DPP6: variants seen among roughly 807,000 people sequenced by gnomAD.
DPP6 encodes dipeptidyl peptidase like 6.
A neutral mutation model predicts 122.6 loss-of-function variants in DPP6; 69 were observed. The ratio of observed to expected loss-of-function variants is 0.56; its 90% CI spans 0.46 to 0.69. DPP6 has a LOEUF of 0.69. DPP6 is among the 30% of genes least tolerant of loss of function. The pLI is 0.00. For synonymous variants in DPP6, 418 were observed against 433.1 expected, an observed-to-expected ratio of 0.97 and a Z score of 0.43; for missense variants, 928 against 1,116.9, an observed-to-expected ratio of 0.83 and a Z score of 2.41.
chr7:154,655,212 T>C (rs1479657724), intron 6 of DPP6, among the ~76,000 whole-genome samples: 1 of 152,150 alleles, frequency 6.6e-6, no homozygotes, highest in Non-Finnish European at 1.5e-5. Context: ...GTTTGCCCCC[T>C]CACTCCCAAA....
intron 16 of DPP6, among the ~76,000 whole-genome samples, chr7:154,843,693 G>A (rs1801734243): frequency 6.6e-6 from 1 of 152,220 alleles, no homozygotes; most frequent in African/African-American, 2.4e-5. Flanking sequence ...TGAAGCTGCT[G>A]TTGCTCTTAC....
chr7:153,758,838 G>T, the DPP6 span, among the ~76,000 whole-genome samples: 34 of 151,074 alleles, frequency 2.3e-4, no homozygotes, highest in African/African-American at 8.4e-4. Context: ...AAACATTTAT[G>T]TACAAGTTTT....
In DPP6 at chr7:154,606,983, A is replaced by G. The variant is rs188903376; in HGVS notation, c.628-30838A>G. On this transcript the variant is annotated intron_variant, in intron 5 of 25. Coordinates refer to ENST00000377770, the MANE Select transcript of DPP6 (RefSeq NM_130797.4). The stretch of plus-strand genomic sequence containing the variant: ...TAAGATTAACTGTGGTGCATACTGT[A>G]CTGTTGTAATAATTTTGTAGCCACC... Among the ~76,000 whole-genome samples the G allele has an allele frequency of 2.5e-5, 3 of 121,392 alleles. 1 individual carries two copies. The highest frequency in any genetic ancestry group is 5.6e-5 in the Non-Finnish European group (3 of 53,900). 79.6% of individuals were successfully genotyped at this position (121,392 alleles called of 152,430 possible). A position where few individuals can be genotyped will look rare whatever the true frequency, so the allele number is the denominator to read the frequency against.
chr7:154,808,732 T>C (rs1210061989), intron 16 of DPP6, among the ~76,000 whole-genome samples: 8 of 152,036 alleles, frequency 5.3e-5, no homozygotes. Context: ...GGCATAGGGA[T>C]TGGGAAAATG....
At chr7:153,753,331 C>A in the DPP6 span, among the ~76,000 whole-genome samples, 3 of 152,172 alleles carry the variant, frequency 2.0e-5, no homozygotes, top group African/African-American at 4.8e-5. Context: ...CTTGGGATGA[C>A]AATTGTATAT....
At chr7:153,976,085 C>A (rs1340905955) in intron 1 of DPP6, among the ~76,000 whole-genome samples, 1 of 152,094 alleles carries the variant, frequency 6.6e-6, no homozygotes, top group East Asian at 1.9e-4. Context: ...TTAGGCTGTG[C>A]TTGGACTTGG....
chr7:154,829,267 CAG>C (rs937061279), intron 16 of DPP6, among the ~76,000 whole-genome samples: 7 of 151,828 alleles, frequency 4.6e-5, no homozygotes, highest in African/African-American at 1.7e-4. Context: ...CCCATAGTCC[CAG>C]CTGCTTGAGA....
chr7:153,934,691 G>A (rs1201028059), intron 1 of DPP6, among the ~76,000 whole-genome samples: 1 of 152,196 alleles, frequency 6.6e-6, no homozygotes, highest in East Asian at 1.9e-4. Context: ...GCTGTCATCT[G>A]GAAGAGGAGA....
At chr7:154,011,623 G>T (rs1448887681) in intron 1 of DPP6, among the ~76,000 whole-genome samples, 1 of 152,178 alleles carries the variant, frequency 6.6e-6, no homozygotes, top group African/African-American at 2.4e-5. Context: ...ATTTCTACCT[G>T]AAGTATTCCA....
the DPP6 span, among the ~76,000 whole-genome samples, chr7:153,860,347 G>A: frequency 2.0e-5 from 3 of 152,120 alleles, no homozygotes; most frequent in African/African-American, 7.2e-5. Context: ...AGGCTGACTG[G>A]CAGAAGCTCC....
At chr7:154,518,050 A>G (rs1361536185) in intron 3 of DPP6, among the ~76,000 whole-genome samples, 1 of 152,196 alleles carries the variant, frequency 6.6e-6, no homozygotes, top group African/African-American at 2.4e-5. Context: ...CCTTTGACTG[A>G]GATGTGTACC....
intron 1 of DPP6, chr7:154,095,848 C>G (rs1477772417): frequency 7.4e-6 from 1 of 134,994 alleles, no homozygotes; most frequent in South Asian, 2.6e-4. Context: ...AAGACAGCGT[C>G]CTGGAGGAGA....
chr7:154,585,656 T>C (rs957154458), intron 5 of DPP6, among the ~76,000 whole-genome samples: 12 of 152,244 alleles, frequency 7.9e-5, no homozygotes, highest in African/African-American at 2.2e-4. Flanking sequence ...TCTAGGTTAC[T>C]TGTAGAATCA....
intron 1 of DPP6, among the ~76,000 whole-genome samples, chr7:154,171,601 C>G (rs1797536401): frequency 6.6e-6 from 1 of 152,150 alleles, no homozygotes; most frequent in African/African-American, 2.4e-5. Context: ...CTGCTGGCAG[C>G]CATTACCATC....
At chr7:154,383,243 C>A (rs972874820) in intron 1 of DPP6, among the ~76,000 whole-genome samples, 8 of 152,184 alleles carry the variant, frequency 5.3e-5, no homozygotes, top group Admixed American at 5.2e-4. Context: ...GTGAATGAGC[C>A]AATACTTGGA....
chr7:154,366,524 G>A (rs188055908), intron 1 of DPP6, among the ~76,000 whole-genome samples: 4 of 152,286 alleles, frequency 2.6e-5, no homozygotes. Context: ...AAAAATGCAG[G>A]TGCCTAGCTT....
intron 10 of DPP6, among the ~76,000 whole-genome samples, chr7:154,773,821 C>G (rs980128621): frequency 6.6e-6 from 1 of 152,102 alleles, no homozygotes; most frequent in African/African-American, 2.4e-5. Context: ...CTGGAAAGGG[C>G]AGGAATCGAG....
chr7:154,111,588 T>C lies in DPP6; in HGVS notation c.243+58525T>C, dbSNP rs1806579228. ...ATTTTCTTATCTGGGTAGTGCCAGA[T>C]GGGATAATAAAAATGAAAACAGGCA... On this transcript the variant is annotated intron_variant, in intron 1 of 25. Transcript: ENST00000377770. 2.0e-5 allele frequency among the ~76,000 whole-genome samples: 3 copies of C among 151,378 alleles called. No homozygotes were observed. In the South Asian group the frequency reaches 6.3e-4, roughly 32 times the overall value.
chr7:153,860,745 C>T, the DPP6 span, among the ~76,000 whole-genome samples: 2 of 151,910 alleles, frequency 1.3e-5, no homozygotes, highest in Non-Finnish European at 2.9e-5. Flanking sequence ...TCCTGTTGTC[C>T]TTTAAATCAC....
Sources: allele counts gnomAD v4.1 joint callset (sites outside exome capture counted in the v4.1 genomes callset), GRCh38; gene constraint gnomAD v4.1.1; transcripts MANE v1.5; gene names NCBI Gene and HGNC (gene_info 2026-07-23, HGNC 2026-07-21).